Variants in SHISA9 observed in about 807,000 individuals in gnomAD.
The protein encoded by SHISA9 is protein shisa-9.
SHISA9 carries 13 observed loss-of-function variants against 38.0 expected under a neutral mutation model. The observed-to-expected ratio is 0.34, with a 90% CI of 0.22 to 0.54. The LOEUF (loss-of-function observed/expected upper bound fraction) is 0.54, where lower values mean the gene tolerates loss of function less well. SHISA9 is among the 20% of genes least tolerant of loss of function. The pLI is 0.91. For missense variants in SHISA9, 538 were observed against 575.8 expected, an observed-to-expected ratio of 0.93 and a Z score of 0.67; for synonymous variants, 275 against 242.0, an observed-to-expected ratio of 1.14 and a Z score of -1.27.
chr16:13,249,915 G>A, the SHISA9 span, among the ~76,000 whole-genome samples: 1 of 151,992 alleles, frequency 6.6e-6, no homozygotes, highest in Non-Finnish European at 1.5e-5. Context: ...AAATTTTTTT[G>A]TAGAGCCAGG....
At chr16:13,522,440 G>A in the SHISA9 span, among the ~76,000 whole-genome samples, 3 of 152,038 alleles carry the variant, frequency 2.0e-5, no homozygotes, top group Non-Finnish European at 2.9e-5. Context: ...ACAAATTGGG[G>A]ATGCTTTGCT....
the SHISA9 span, among the ~76,000 whole-genome samples, chr16:13,398,988 G>T: frequency 1.3e-5 from 2 of 152,174 alleles, no homozygotes; most frequent in South Asian, 4.1e-4. Context: ...GGGCGTGGTG[G>T]TTCACACCTG....
chr16:13,380,795 A>G, the SHISA9 span, among the ~76,000 whole-genome samples: 1 of 151,786 alleles, frequency 6.6e-6, no homozygotes, highest in East Asian at 1.9e-4. Context: ...TTCATTAGGT[A>G]TTTCTCCTAA....
intron 2 of SHISA9, among the ~76,000 whole-genome samples, chr16:13,164,662 C>T (rs1471481330): frequency 6.6e-6 from 1 of 152,094 alleles, no homozygotes; most frequent in East Asian, 1.9e-4. Context: ...GCTATAACTG[C>T]ATCTCACACA....
the SHISA9 span, among the ~76,000 whole-genome samples, chr16:13,539,314 A>C: frequency 2.3e-5 from 1 of 43,134 alleles, no homozygotes; most frequent in African/African-American, 6.5e-5. Context: ...ATATATATAT[A>C]TATAAAGACA....
chr16:13,399,856 G>T, the SHISA9 span, among the ~76,000 whole-genome samples: 1 of 152,166 alleles, frequency 6.6e-6, no homozygotes, highest in South Asian at 2.1e-4. Flanking sequence ...CTGTCCCATG[G>T]ACCACATTCT....
chr16:12,902,810 G>A, intron 1 of SHISA9, 183 bp downstream of exon 1: 1 of 634,692 alleles, frequency 1.6e-6, no homozygotes, highest in Non-Finnish European at 2.7e-6. Context: ...GCTGGGCTCA[G>A]CACAGGTGTG....
chr16:13,345,974 T>C, the SHISA9 span, among the ~76,000 whole-genome samples: 1 of 152,056 alleles, frequency 6.6e-6, no homozygotes, highest in African/African-American at 2.4e-5. Context: ...AAAATTTTTT[T>C]AAAAATTTCT....
chr16:13,367,507 C>T, the SHISA9 span, among the ~76,000 whole-genome samples: 1 of 151,602 alleles, frequency 6.6e-6, no homozygotes, highest in South Asian at 2.1e-4. Context: ...GCCATTGGCT[C>T]AAATTCTTAA....
At chr16:13,081,594 G>A (rs548235582) in intron 2 of SHISA9, among the ~76,000 whole-genome samples, 3 of 151,582 alleles carry the variant, frequency 2.0e-5, no homozygotes, top group Non-Finnish European at 2.9e-5. Context: ...TCCTCCACCC[G>A]TGATTCCACA....
chr16:13,534,382 A>G, the SHISA9 span, among the ~76,000 whole-genome samples: 3 of 151,506 alleles, frequency 2.0e-5, no homozygotes, highest in South Asian at 6.2e-4. Context: ...ATGCCACCAT[A>G]CCTGGCTAAT....
At chr16:13,265,972 A>G in the SHISA9 span, among the ~76,000 whole-genome samples, 8 of 152,210 alleles carry the variant, frequency 5.3e-5, no homozygotes, top group Non-Finnish European at 1.2e-4. Flanking sequence ...AATTTCTGTT[A>G]TTAAGATATA....
At chr16:13,407,506 A>G in the SHISA9 span, among the ~76,000 whole-genome samples, 1 of 152,154 alleles carries the variant, frequency 6.6e-6, no homozygotes, top group Admixed American at 6.5e-5. Flanking sequence ...TAACATATCT[A>G]TTTTGAGGGG....
intron 2 of SHISA9, among the ~76,000 whole-genome samples, chr16:13,009,945 G>A (rs1269322986): frequency 6.6e-6 from 1 of 152,180 alleles, no homozygotes; most frequent in Non-Finnish European, 1.5e-5. Flanking sequence ...GGGAGGCTGA[G>A]GCAGGAGGAT....
the SHISA9 span, among the ~76,000 whole-genome samples, chr16:13,361,420 C>G: frequency 6.6e-6 from 1 of 152,218 alleles, no homozygotes; most frequent in Non-Finnish European, 1.5e-5. Flanking sequence ...ATTTTGTCCA[C>G]TTCTTTCTCT....
chr16:13,304,638 T>G, the SHISA9 span, among the ~76,000 whole-genome samples: 3 of 152,324 alleles, frequency 2.0e-5, no homozygotes, highest in Non-Finnish European at 4.4e-5. Flanking sequence ...TATTGTGAAT[T>G]TGTGTTGTTT....
the SHISA9 span, among the ~76,000 whole-genome samples, chr16:13,497,833 A>C: frequency 5.9e-5 from 9 of 152,190 alleles, no homozygotes; most frequent in Non-Finnish European, 1.3e-4. Context: ...GAAAAGATAA[A>C]TGGTGCTGGG....
chr16:13,532,804 C>T, the SHISA9 span, among the ~76,000 whole-genome samples: 1 of 152,138 alleles, frequency 6.6e-6, no homozygotes, highest in African/African-American at 2.4e-5. Flanking sequence ...CAGACACTCA[C>T]TCTTTCATTC....
rs1026077918 is a variant in SHISA9 at position 13,120,117 on chromosome 16, T to C, written c.692-83277T>C. ...CTGGTCACGAGAGGAAGGGGACAGA[T>C]AGGTGTCTGCAAGTAGCACTGGAAG... On this transcript the variant is annotated intron_variant, in intron 2 of 4. Coordinates refer to ENST00000558583, the MANE Select transcript of SHISA9 (RefSeq NM_001145204.3). Among the ~76,000 whole-genome samples the C allele has an allele frequency of 2.0e-5, 3 of 152,124 alleles. No homozygotes were observed. In the East Asian group the frequency reaches 5.8e-4, roughly 29 times the overall value.
Sources: gnomAD v4.1 joint callset for allele counts (sites outside exome capture counted in the v4.1 genomes callset) on GRCh38, gnomAD v4.1.1 for gene constraint, MANE v1.5 for transcripts, NCBI Gene and HGNC (gene_info 2026-07-23, HGNC 2026-07-21) for gene names.